RPTOR: variants seen among roughly 807,000 people sequenced by gnomAD.
RPTOR encodes the protein regulatory associated protein of MTOR complex 1.
RPTOR carries 21 observed loss-of-function variants against 169.9 expected under a neutral mutation model. That is an observed-to-expected ratio of 0.12 (90% confidence interval 0.09 to 0.18). RPTOR has a LOEUF of 0.18. RPTOR is among the 10% of genes least tolerant of loss of function. The probability of loss-of-function intolerance (pLI) is 1.00; values close to 1 mark genes in which losing one functional copy is unlikely to be tolerated. For missense variants in RPTOR, 1,133 were observed against 1,855.9 expected, an observed-to-expected ratio of 0.61 and a Z score of 7.16; for synonymous variants, 732 against 753.2, an observed-to-expected ratio of 0.97 and a Z score of 0.46.
intron 9 of RPTOR, among the ~76,000 whole-genome samples, chr17:80,825,775 C>T (rs932833138): frequency 2.0e-5 from 3 of 152,198 alleles, no homozygotes; most frequent in Non-Finnish European, 4.4e-5. Context: ...TCAGAGGCTC[C>T]GCTTGGGCTA....
At chr17:80,714,915 G>T (rs1366398454) in intron 4 of RPTOR, among the ~76,000 whole-genome samples, 1 of 152,112 alleles carries the variant, frequency 6.6e-6, no homozygotes, top group East Asian at 1.9e-4. Context: ...TAGAGATGGG[G>T]TTTCGCCATG....
intron 17 of RPTOR, among the ~76,000 whole-genome samples, chr17:80,889,544 G>A (rs1275807612): frequency 6.6e-6 from 1 of 152,166 alleles, no homozygotes; most frequent in Non-Finnish European, 1.5e-5. Flanking sequence ...GGGGTCACAT[G>A]ACAACACCAG....
rs961093630 is a variant in RPTOR, at chr17:80,707,143, C to T, written c.349-698C>T. On this transcript the variant is annotated intron_variant, in intron 3 of 33. Transcript: ENST00000306801. The surrounding 1 kb of genome is among the most constrained non-coding windows in gnomAD (Gnocchi z 5.0). ...TCAGCAGGGCGATTCCTTACTCGGTCTCTTCACTCTTCTGCCATTGCTGCC... is the reference window on the plus strand; with the variant it reads ...TCAGCAGGGCGATTCCTTACTCGGTTTCTTCACTCTTCTGCCATTGCTGCC... Among the ~76,000 whole-genome samples, 3 of 152,154 alleles carry T rather than the reference C, an allele frequency of 2.0e-5. No individual in the cohort carries two copies. The highest frequency in any genetic ancestry group is 7.2e-5 in the African/African-American group (3 of 41,442).
intron 13 of RPTOR, 174 bp downstream of exon 13, chr17:80,858,074 T>C (rs1248200540): frequency 4.8e-6 from 3 of 619,094 alleles, no homozygotes; most frequent in Non-Finnish European, 5.8e-6. Flanking sequence ...GGCAGCCACC[T>C]CTGGGTCGTG....
chr17:80,643,618 G>A (rs1306341370), intron 2 of RPTOR, 110 bp from the exon 3 acceptor site: 4 of 731,932 alleles, frequency 5.5e-6, no homozygotes, highest in Non-Finnish European at 9.1e-6. Flanking sequence ...GTTACTTTTA[G>A]TCAAAGGTGA....
intron 1 of RPTOR, among the ~76,000 whole-genome samples, chr17:80,610,311 T>C (rs920721216): frequency 3.9e-5 from 6 of 152,212 alleles, no homozygotes; most frequent in African/African-American, 1.4e-4. Context: ...TACAACATTA[T>C]GATGATATAG....
chr17:80,825,880 C>G (rs2067437131), intron 9 of RPTOR, among the ~76,000 whole-genome samples: 2 of 152,198 alleles, frequency 1.3e-5, no homozygotes, highest in Admixed American at 1.3e-4. Flanking sequence ...CGGGCGCGTT[C>G]TTCTCCTGGT....
chr17:80,631,452 A>T (rs1312201254), intron 2 of RPTOR, among the ~76,000 whole-genome samples: 9 of 151,950 alleles, frequency 5.9e-5, no homozygotes, highest in African/African-American at 2.2e-4. Flanking sequence ...ACACATTACC[A>T]TCTTAGCTGG....
chr17:80,847,203 G>C (rs2067741708), intron 11 of RPTOR, among the ~76,000 whole-genome samples: 1 of 152,258 alleles, frequency 6.6e-6, no homozygotes, highest in African/African-American at 2.4e-5. Context: ...ACGTCCTTCA[G>C]ATGCCAGTGC....
chr17:80,832,962 C>A (rs373114317), intron 9 of RPTOR, among the ~76,000 whole-genome samples: 4 of 152,350 alleles, frequency 2.6e-5, no homozygotes, highest in African/African-American at 9.6e-5. Context: ...TTGCTTCAGG[C>A]CGCGGCAGTA....
At chr17:80,906,015 C>T (rs1232598369) in intron 20 of RPTOR, among the ~76,000 whole-genome samples, 1 of 152,108 alleles carries the variant, frequency 6.6e-6, no homozygotes, top group East Asian at 1.9e-4. Context: ...CCCAGGACCC[C>T]AGAATAATCA....
intron 33 of RPTOR, 76 bp downstream of exon 33, chr17:80,963,133 A>T (rs939096073): frequency 5.9e-6 from 8 of 1,358,102 alleles, no homozygotes; most frequent in African/African-American, 1.4e-5. Context: ...ACAAGGCAGC[A>T]GGGGTCCTGC....
chr17:80,774,406 T>C, intron 6 of RPTOR: 1 of 952,324 alleles, frequency 1.1e-6, no homozygotes, highest in Non-Finnish European at 1.3e-6. Context: ...TTGCTCTTAC[T>C]AATAACCCAG....
intron 9 of RPTOR, among the ~76,000 whole-genome samples, chr17:80,825,668 G>T (rs983150289): frequency 2.0e-5 from 3 of 152,226 alleles, no homozygotes; most frequent in Non-Finnish European, 4.4e-5. Context: ...AGAGCCTGGG[G>T]ACAGCATCAC....
chr17:80,589,378 C>A (rs951408585), intron 1 of RPTOR, among the ~76,000 whole-genome samples: 7 of 152,112 alleles, frequency 4.6e-5, no homozygotes, highest in African/African-American at 1.7e-4. Context: ...TGCTGATGGT[C>A]TGAAAAAGCA....
At chr17:80,805,094 A>AATTTGTT (rs1477277731) in intron 7 of RPTOR, 348 of 152,286 alleles carry the variant, frequency 2.3e-3, no homozygotes, top group African/African-American at 8.1e-3. Flanking sequence ...TCACAGGAAG[A>AATTTGTT]CACAATTTAC....
intron 5 of RPTOR, among the ~76,000 whole-genome samples, chr17:80,749,373 A>G (rs1407474615): frequency 1.7e-5 from 1 of 58,514 alleles, no homozygotes. Context: ...GGATGGAGGG[A>G]CTGCGGTGTG....
At chr17:80,682,292 T>C (rs1011882959) in intron 3 of RPTOR, among the ~76,000 whole-genome samples, 2 of 152,046 alleles carry the variant, frequency 1.3e-5, no homozygotes, top group Admixed American at 1.3e-4. Context: ...TTTTGTAAAG[T>C]CAGGGGTCTC....
chr17:80,703,523 C>T lies in RPTOR; in HGVS notation c.349-4318C>T, dbSNP rs75413560. 1.8e-3 allele frequency among the ~76,000 whole-genome samples: 269 copies of T among 152,236 alleles called. 6 individuals carry two copies. In the East Asian group the frequency reaches 0.048, roughly 27 times the overall value. ...CCTGACTGCAGACTTGAGCCAGGAACACCCATTCCGCCTTGTGTGTGAGAC... is the reference window on the plus strand; with the variant it reads ...CCTGACTGCAGACTTGAGCCAGGAATACCCATTCCGCCTTGTGTGTGAGAC... On this transcript the variant is annotated intron_variant, in intron 3 of 33. Coordinates refer to ENST00000306801, the MANE Select transcript of RPTOR (RefSeq NM_020761.3).
Sources: gnomAD v4.1 joint callset for allele counts (sites outside exome capture counted in the v4.1 genomes callset) on GRCh38, gnomAD v4.1.1 for gene constraint, Gnocchi (gnomAD v3.1) non-coding constraint, MANE v1.5 for transcripts, NCBI Gene and HGNC (gene_info 2026-07-23, HGNC 2026-07-21) for gene names.